Variants in SPOUT1 observed in about 807,000 individuals in gnomAD.
SPOUT1 encodes the protein 28S rRNA (uridine-N(3))-methyltransferase.
SPOUT1 carries 40 observed loss-of-function variants against 54.8 expected under a neutral mutation model. That is an observed-to-expected ratio of 0.73 (90% CI 0.57 to 0.95). SPOUT1 has a LOEUF of 0.95. SPOUT1 is among the 40% of genes least tolerant of loss of function. The pLI, the probability that SPOUT1 is intolerant of heterozygous loss-of-function variation, is 0.00. For synonymous variants in SPOUT1, 193 were observed against 200.3 expected, an observed-to-expected ratio of 0.96 and a Z score of 0.31; for missense variants, 437 against 499.5, an observed-to-expected ratio of 0.87 and a Z score of 1.19.
At position 128,822,664 on chromosome 9, in the gene SPOUT1, G is replaced by C. The variant is rs115628748; in HGVS notation, c.*101C>G. The C allele has an allele frequency of 6.6e-4, 1,029 of 1,554,174 alleles. 4 individuals are homozygous for C. In the African/African-American group the frequency reaches 0.013, roughly 20 times the overall value. ...GTGCAGGCCGGGGAGTATTAAAGGT[G>C]GTGATTTTTGGAGACAAGTCTGGTG... On this transcript the variant is annotated 3_prime_UTR_variant, in exon 12 of 12. Transcript: ENST00000361256.
At position 128,829,794 on chromosome 9, in the gene SPOUT1, C is replaced by A; in HGVS notation, c.-14G>T. ...GCGCTCCGCCATGTTCCGCACACACCGTCGGTCCCGCCTCTGCCAATGAGA... is the reference window on the plus strand; with the variant it reads ...GCGCTCCGCCATGTTCCGCACACACAGTCGGTCCCGCCTCTGCCAATGAGA... On this transcript the variant is annotated 5_prime_UTR_variant, in exon 1 of 12. Coordinates refer to ENST00000361256, the MANE Select transcript of SPOUT1 (RefSeq NM_016390.4). The A allele has an allele frequency of 1.3e-6, 2 of 1,596,104 alleles. No individual in the cohort carries two copies. The highest frequency in any genetic ancestry group is 1.7e-6 in the Non-Finnish European group (2 of 1,171,912).
chr9:128,820,453 C>T lies in SPOUT1; in HGVS notation c.*2312G>A, dbSNP rs1830087010. The T allele has an allele frequency of 2.4e-6, 1 of 416,864 alleles. No individual in the cohort carries two copies. The allele number at this position is 416,864 out of a possible 1,614,324, so 25.8% of individuals were successfully genotyped here. On this transcript the variant is annotated 3_prime_UTR_variant, in exon 12 of 12. Coordinates refer to ENST00000361256, the MANE Select transcript of SPOUT1 (RefSeq NM_016390.4). ...ACCCTGGGTGGGGCTGGGGACAGGCCTCAGTCCTCTCTGAAAGGTGGAGAC... is the reference window on the plus strand; with the variant it reads ...ACCCTGGGTGGGGCTGGGGACAGGCTTCAGTCCTCTCTGAAAGGTGGAGAC...
rs1554798675 is a variant in SPOUT1, at chr9:128,826,382, A to T, written c.508+2T>A. Reference sequence around the variant, plus strand: ...TGGGGGGGCGGGCCCATACAGCGTTACCTGCAAACTGTAGATCCTGGTGCT... The same window carrying T: ...TGGGGGGGCGGGCCCATACAGCGTTTCCTGCAAACTGTAGATCCTGGTGCT... On this transcript the variant is annotated splice_donor_variant, in intron 6 of 11. Transcript: ENST00000361256. LOFTEE classifies it high-confidence loss of function. This position sits in a 1 kb window ranked among gnomAD's most constrained non-coding sequence, Gnocchi z 5.5. The T allele has an allele frequency of 1.2e-6, 2 of 1,613,976 alleles. No homozygotes were observed. The highest frequency in any genetic ancestry group is 1.7e-6 in the Non-Finnish European group (2 of 1,179,900).
At chr9:128,828,479 G>C (rs1184452329) in intron 3 of SPOUT1, among the ~76,000 whole-genome samples, 1 of 135,182 alleles carries the variant, frequency 7.4e-6, no homozygotes, top group Non-Finnish European at 1.6e-5. Context: ...CTGGGCAACA[G>C]AGCAAGACTC....
chr9:128,821,984 T>G lies in SPOUT1; in HGVS notation c.*781A>C. On this transcript the variant is annotated 3_prime_UTR_variant, in exon 12 of 12. Coordinates refer to ENST00000361256, the MANE Select transcript of SPOUT1 (RefSeq NM_016390.4). ...CTGGGATATCACCTGTCATGGTCCT[T>G]GCCCACTTGTTGCTCACCTCTGTGG... 1 of 317,308 alleles carries G rather than the reference T, an allele frequency of 3.2e-6. No individual in the cohort carries two copies. Among genetic ancestry groups the G allele is most frequent in the South Asian group, 3.3e-5 (1 of 30,510 alleles). 19.7% of individuals were successfully genotyped at this position (317,308 alleles called of 1,614,324 possible). A position where few individuals can be genotyped will look rare whatever the true frequency, so the allele number is the denominator to read the frequency against.
In SPOUT1 at chr9:128,820,692, G is replaced by C; in HGVS notation, c.*2073C>G. On this transcript the variant is annotated 3_prime_UTR_variant, in exon 12 of 12. Coordinates refer to ENST00000361256, the MANE Select transcript of SPOUT1 (RefSeq NM_016390.4). Reference sequence around the variant, plus strand: ...CCTGGGGCGGCCCTCTGATAGAGGAGGAAGGGTCCCAGCCACAGTCCTGCT... The same window carrying C: ...CCTGGGGCGGCCCTCTGATAGAGGACGAAGGGTCCCAGCCACAGTCCTGCT... The C allele has an allele frequency of 6.5e-7, 1 of 1,540,444 alleles. No individual in the cohort carries two copies. The highest frequency in any genetic ancestry group is 1.2e-5 in the South Asian group (1 of 85,274).
In SPOUT1 at chr9:128,822,369, T is replaced by A. The variant is rs752697421; in HGVS notation, c.*396A>T. On this transcript the variant is annotated 3_prime_UTR_variant, in exon 12 of 12. Transcript: ENST00000361256. ...AAATCCTACGTAAAGTACCAGGTCA[T>A]CGGCAAGAACCACGTGGCAGTGCCC... The A allele has an allele frequency of 1.2e-6, 2 of 1,613,920 alleles. No individual in the cohort carries two copies. Among genetic ancestry groups the A allele is most frequent in the South Asian group, 1.1e-5 (1 of 91,042 alleles).
At chr9:128,825,575 G>A (rs778876156) in intron 7 of SPOUT1, among the ~76,000 whole-genome samples, 20 of 152,104 alleles carry the variant, frequency 1.3e-4, no homozygotes, top group South Asian at 4.1e-4. Context: ...CAAATGACCC[G>A]CCTGCCTCAG....
chr9:128,824,663 G>T, intron 9 of SPOUT1, 108 bp downstream of exon 9: 1 of 747,158 alleles, frequency 1.3e-6, no homozygotes, highest in Non-Finnish European at 2.4e-6. Context: ...AGGACACACA[G>T]CAAGTTGACA....
chr9:128,825,963 G>T, intron 7 of SPOUT1, 59 bp downstream of exon 7: 1 of 1,606,660 alleles, frequency 6.2e-7, no homozygotes, highest in Non-Finnish European at 8.5e-7. Flanking sequence ...CCATCTGCTT[G>T]CCCTCCATTG....
intron 7 of SPOUT1, among the ~76,000 whole-genome samples, chr9:128,825,711 G>A (rs992582615): frequency 3.3e-5 from 5 of 152,210 alleles, no homozygotes; most frequent in Admixed American, 6.5e-5. Context: ...ATAAAGAGGC[G>A]GCAAATTAAT....
At chr9:128,825,418 GTCTCCTGGGTTCAAGTGAA>G (rs1830221912) in intron 7 of SPOUT1, among the ~76,000 whole-genome samples, 1 of 152,024 alleles carries the variant, frequency 6.6e-6, no homozygotes, top group African/African-American at 2.4e-5. Context: ...TGCAACCTCT[GTCTCCTGGGTTCAAGTGAA>G]TCTCCTGCCT....
In SPOUT1 at chr9:128,822,366, T is replaced by G; in HGVS notation, c.*399A>C. 1 of 1,613,894 alleles carries G rather than the reference T, an allele frequency of 6.2e-7. No individual in the cohort carries two copies. Among genetic ancestry groups the G allele is most frequent in the Non-Finnish European group, 8.5e-7 (1 of 1,179,988 alleles). On this transcript the variant is annotated 3_prime_UTR_variant, in exon 12 of 12. Coordinates refer to ENST00000361256, the MANE Select transcript of SPOUT1 (RefSeq NM_016390.4). ...GGGAAATCCTACGTAAAGTACCAGGTCATCGGCAAGAACCACGTGGCAGTG... is the reference window on the plus strand; with the variant it reads ...GGGAAATCCTACGTAAAGTACCAGGGCATCGGCAAGAACCACGTGGCAGTG...
Position 128,822,302 on chromosome 9 carries a change from C to A in SPOUT1, c.*463G>T. The A allele has an allele frequency of 3.7e-6, 6 of 1,605,046 alleles. No individual in the cohort carries two copies. The highest frequency in any genetic ancestry group is 5.1e-6 in the Non-Finnish European group (6 of 1,174,762). On this transcript the variant is annotated 3_prime_UTR_variant, in exon 12 of 12. Coordinates refer to ENST00000361256, the MANE Select transcript of SPOUT1 (RefSeq NM_016390.4). ...CTTTGGGTTCATCCAGGCCCCCTGCCCACGTGTGCCTGGGTCTGCCCACAG... is the reference window on the plus strand; with the variant it reads ...CTTTGGGTTCATCCAGGCCCCCTGCACACGTGTGCCTGGGTCTGCCCACAG...
At position 128,828,844 on chromosome 9, in the gene SPOUT1, T is replaced by A; in HGVS notation, c.99A>T (p.Lys33Asn). Reference protein sequence around the residue: ...KWKQQKKEEKKKWKDLKLMKK... With the variant: ...KWKQQKKEEKNKWKDLKLMKK... ...TCATCAGCTTGAGATCCTTCCATTT[T>A]TTTTTCTCCTCTTTCTCTGGATAAA... Residue 33 changes from lysine to asparagine, a missense_variant, in exon 3 of 12, where the codon AAA becomes AAT. Lys to Asn is a moderately conservative substitution (Grantham distance 94, BLOSUM62 0). Transcript: ENST00000361256. The A allele has an allele frequency of 6.2e-7, 1 of 1,614,194 alleles. No individual in the cohort carries two copies. Among genetic ancestry groups the A allele is most frequent in the Non-Finnish European group, 8.5e-7 (1 of 1,180,022 alleles).
chr9:128,828,928 G>A (rs1830294861), intron 2 of SPOUT1, 68 bp from the exon 3 acceptor site: 10 of 1,603,326 alleles, frequency 6.2e-6, no homozygotes, highest in Middle Eastern at 1.7e-4. Flanking sequence ...CTGGACTCTG[G>A]AGAGCTGCTG....
intron 9 of SPOUT1, 35 bp downstream of exon 9, chr9:128,824,736 G>T: frequency 1.3e-6 from 2 of 1,511,152 alleles, no homozygotes; most frequent in South Asian, 1.1e-5. Flanking sequence ...CCAGAGGGAT[G>T]GATGGATATT....
At chr9:128,822,945 GT>G in intron 11 of SPOUT1, 112 bp from the exon 12 acceptor site, 1 of 723,648 alleles carries the variant, frequency 1.4e-6, no homozygotes, top group South Asian at 1.8e-5. Context: ...GGGGTCCCCT[GT>G]CCTTAGTAGG....
chr9:128,823,197 G>A (rs932412482), intron 11 of SPOUT1, among the ~76,000 whole-genome samples: 1 of 152,308 alleles, frequency 6.6e-6, no homozygotes, highest in African/African-American at 2.4e-5. Flanking sequence ...AGAGTGCTCG[G>A]CTTGGGCAAG....
Sources: gnomAD v4.1 joint callset for allele counts (sites outside exome capture counted in the v4.1 genomes callset) on GRCh38, gnomAD v4.1.1 for gene constraint, Gnocchi (gnomAD v3.1) non-coding constraint, MANE v1.5 for transcripts, NCBI Gene and HGNC (gene_info 2026-07-23, HGNC 2026-07-21) for gene names.